Variants in SMCO4 observed in about 807,000 individuals in gnomAD.
SMCO4 encodes the protein single-pass membrane protein with coiled-coil domains 4.
SMCO4 carries 4 observed loss-of-function variants against 3.6 expected under a neutral mutation model. The ratio of observed to expected loss-of-function variants is 1.11; its 90% CI spans 0.54 to 2.53. SMCO4 has a LOEUF of 2.53. Among genes scored for constraint, SMCO4 ranks in the 30% most tolerant of loss-of-function variants. The pLI is 0.02. For missense variants in SMCO4, 70 were observed against 80.8 expected (o/e 0.87, Z 0.51); for synonymous variants, 36 against 35.3 (o/e 1.02, Z -0.07).
rs11020383 is a variant in SMCO4, at chr11:93,501,902, G to C, written c.-153-2554C>G. On this transcript the variant is annotated intron_variant, in intron 1 of 2. Transcript: ENST00000298966. ...AATGGGCCAGATGACGTCAAATGTAGCAGGTTCCCTTGAGCACACACACTT... is the reference window on the plus strand; with the variant it reads ...AATGGGCCAGATGACGTCAAATGTACCAGGTTCCCTTGAGCACACACACTT... 4.5e-4 allele frequency among the ~76,000 whole-genome samples: 69 copies of C among 152,082 alleles called. 2 individuals carry two copies. In the East Asian group the frequency reaches 7.8e-3, roughly 17 times the overall value.
chr11:93,513,388 A>G (rs1214259013), intron 1 of SMCO4, among the ~76,000 whole-genome samples: 1 of 152,240 alleles, frequency 6.6e-6, no homozygotes, highest in Non-Finnish European at 1.5e-5. Context: ...AATGTCTCCC[A>G]TTCTACTATT....
intron 1 of SMCO4, among the ~76,000 whole-genome samples, chr11:93,518,796 C>A (rs1949032237): frequency 6.6e-6 from 1 of 152,196 alleles, no homozygotes; most frequent in Non-Finnish European, 1.5e-5. Flanking sequence ...TAAGCCAGGG[C>A]TCCAGTAGGA....
intron 1 of SMCO4, among the ~76,000 whole-genome samples, chr11:93,501,239 T>C (rs1948835093): frequency 1.3e-5 from 2 of 152,196 alleles, no homozygotes; most frequent in South Asian, 4.1e-4. Context: ...GCTCAGAAGC[T>C]TTTCTAGCAA....
chr11:93,489,827 G>A (rs1421105978), intron 2 of SMCO4, among the ~76,000 whole-genome samples: 1 of 150,204 alleles, frequency 6.7e-6, no homozygotes, highest in East Asian at 2.0e-4. Context: ...CAGAGTTCAA[G>A]ATCAGAAAAC....
At chr11:93,549,403 C>T in the SMCO4 span, among the ~76,000 whole-genome samples, 2 of 152,064 alleles carry the variant, frequency 1.3e-5, no homozygotes, top group Non-Finnish European at 2.9e-5. Context: ...GATATGAATT[C>T]CCAGAAGCCA....
chr11:93,550,487 G>A, the SMCO4 span, among the ~76,000 whole-genome samples: 5 of 151,900 alleles, frequency 3.3e-5, no homozygotes, highest in East Asian at 7.7e-4. Context: ...TGGTGAAACC[G>A]CATCTCTACA....
intron 1 of SMCO4, among the ~76,000 whole-genome samples, chr11:93,519,744 GA>G (rs1370239859): frequency 6.6e-6 from 1 of 152,208 alleles, no homozygotes; most frequent in Non-Finnish European, 1.5e-5. Flanking sequence ...GCCAGCCTCA[GA>G]TATAGGCAGT....
Position 93,514,374 on chromosome 11 carries a change from C to CCA in SMCO4, c.-153-15027_-153-15026insTG, listed in dbSNP as rs1555077516. On this transcript the variant is annotated intron_variant, in intron 1 of 2. Coordinates refer to ENST00000298966, the MANE Select transcript of SMCO4 (RefSeq NM_020179.3). Reference sequence around the variant, plus strand: ...AAAGGAAAAATAAAACAGGATGAGGCTATATATATATATATATATATATAT... The same window carrying CCA: ...AAAGGAAAAATAAAACAGGATGAGGCCATATATATATATATATATATATATAT... 1.1e-3 allele frequency among the ~76,000 whole-genome samples: 43 copies of CCA among 39,094 alleles called. 1 individual carries two copies. The highest frequency in any genetic ancestry group is 0.018 in the Middle Eastern group (1 of 56). 25.6% of individuals were successfully genotyped at this position (39,094 alleles called of 152,430 possible). A position where few individuals can be genotyped will look rare whatever the true frequency, so the allele number is the denominator to read the frequency against.
At chr11:93,539,779 G>T (rs944214741) in intron 1 of SMCO4, among the ~76,000 whole-genome samples, 1 of 152,016 alleles carries the variant, frequency 6.6e-6, no homozygotes, top group Non-Finnish European at 1.5e-5. Context: ...GATGGAAATT[G>T]GTCCCATATT....
the SMCO4 span, among the ~76,000 whole-genome samples, chr11:93,550,729 A>G: frequency 6.6e-6 from 1 of 152,096 alleles, no homozygotes; most frequent in Non-Finnish European, 1.5e-5. Context: ...CAGAGAAGAA[A>G]AAACAAAAAT....
At chr11:93,498,954 G>C (rs1333957587) in intron 2 of SMCO4, among the ~76,000 whole-genome samples, 1 of 152,146 alleles carries the variant, frequency 6.6e-6, no homozygotes, top group Non-Finnish European at 1.5e-5. Context: ...CTATGATGGG[G>C]GGTGTGTCAC....
At chr11:93,488,310 G>T (rs529796668) in intron 2 of SMCO4, among the ~76,000 whole-genome samples, 2 of 152,312 alleles carry the variant, frequency 1.3e-5, no homozygotes, top group South Asian at 4.1e-4. Context: ...GTCACAGAGG[G>T]AGCAGCAGAG....
chr11:93,547,091 C>T (rs568554552), upstream of SMCO4, among the ~76,000 whole-genome samples: 2 of 152,222 alleles, frequency 1.3e-5, no homozygotes, highest in South Asian at 4.1e-4. Context: ...TCAGTCTCTT[C>T]AGCCAAGTTT....
intron 1 of SMCO4, among the ~76,000 whole-genome samples, chr11:93,530,946 A>T (rs1256038744): frequency 1.3e-5 from 2 of 152,200 alleles, no homozygotes; most frequent in Non-Finnish European, 2.9e-5. Context: ...TCCACCTGGA[A>T]CCTCAGAATA....
At chr11:93,528,115 T>C (rs78636022) in intron 1 of SMCO4, among the ~76,000 whole-genome samples, 1 of 152,056 alleles carries the variant, frequency 6.6e-6, no homozygotes, top group South Asian at 2.1e-4. Flanking sequence ...GTAAAAAAAA[T>C]GCTTAAAAAG....
At chr11:93,512,989 G>A (rs984103183) in intron 1 of SMCO4, among the ~76,000 whole-genome samples, 4 of 152,190 alleles carry the variant, frequency 2.6e-5, no homozygotes, top group Non-Finnish European at 5.9e-5. Context: ...GAGGATGGTC[G>A]GCAGGCCCGA....
chr11:93,549,808 C>G, the SMCO4 span, among the ~76,000 whole-genome samples: 1 of 152,014 alleles, frequency 6.6e-6, no homozygotes, highest in African/African-American at 2.4e-5. Flanking sequence ...CTACCAGCTT[C>G]TTGGATTTAA....
intron 1 of SMCO4, among the ~76,000 whole-genome samples, chr11:93,508,167 G>A (rs1413480614): frequency 1.3e-5 from 2 of 152,052 alleles, no homozygotes; most frequent in South Asian, 2.1e-4. Flanking sequence ...TACATAAAGG[G>A]GTCCTGAAAC....
chr11:93,532,520 A>C (rs1949173039), intron 1 of SMCO4, among the ~76,000 whole-genome samples: 1 of 152,190 alleles, frequency 6.6e-6, no homozygotes, highest in Non-Finnish European at 1.5e-5. Context: ...CAGCCTGCAG[A>C]CACCCTGTCA....
Sources: gnomAD v4.1 joint callset for allele counts (sites outside exome capture counted in the v4.1 genomes callset) on GRCh38, gnomAD v4.1.1 for gene constraint, MANE v1.5 for transcripts, NCBI Gene and HGNC (gene_info 2026-07-23, HGNC 2026-07-21) for gene names.